The following ITPRID1 variants were observed in gnomAD, a reference collection of about 807,000 sequenced individuals.
ITPRID1 encodes the protein protein ITPRID1.
In ITPRID1, 96 loss-of-function variants were observed where a neutral mutation model predicts 95.4. That is an observed-to-expected ratio of 1.01 (90% CI 0.85 to 1.19). ITPRID1 has a LOEUF of 1.19. Ranked by LOEUF, ITPRID1 falls within the 50% of genes most tolerant of loss-of-function variation. The probability of loss-of-function intolerance (pLI) is 0.00; values close to 1 mark genes in which losing one functional copy is unlikely to be tolerated. For synonymous variants in ITPRID1, 510 were observed against 453.6 expected, an observed-to-expected ratio of 1.12 and a Z score of -1.58; for missense variants, 1,339 against 1,252.9, an observed-to-expected ratio of 1.07 and a Z score of -1.04.
intron 2 of ITPRID1, among the ~76,000 whole-genome samples, chr7:31,550,458 G>T (rs1215364249): frequency 6.6e-6 from 1 of 152,126 alleles, no homozygotes; most frequent in African/African-American, 2.4e-5. Context: ...GAAGTCTGCA[G>T]GCAGTCACAT....
intron 10 of ITPRID1, among the ~76,000 whole-genome samples, chr7:31,633,776 A>C (rs1442079942): frequency 6.6e-6 from 1 of 152,222 alleles, no homozygotes; most frequent in Non-Finnish European, 1.5e-5. Flanking sequence ...TGACCATAAA[A>C]TAGTTAAAGT....
At chr7:31,534,067 G>T (rs1161612827) in intron 1 of ITPRID1, among the ~76,000 whole-genome samples, 2 of 152,184 alleles carry the variant, frequency 1.3e-5, no homozygotes, top group Non-Finnish European at 1.5e-5. Flanking sequence ...ACATGCGAGG[G>T]ATCTAGGTTG....
At chr7:31,561,337 G>C (rs753339579) in intron 5 of ITPRID1, among the ~76,000 whole-genome samples, 14 of 152,196 alleles carry the variant, frequency 9.2e-5, no homozygotes, top group Non-Finnish European at 1.8e-4. Context: ...ATTGGTGGCT[G>C]AGATGTACTG....
chr7:31,650,854 C>T (rs1790881976), intron 12 of ITPRID1, among the ~76,000 whole-genome samples: 1 of 152,190 alleles, frequency 6.6e-6, no homozygotes, highest in Admixed American at 6.5e-5. Flanking sequence ...TACATCCTTG[C>T]ATCCCTATGT....
intron 10 of ITPRID1, among the ~76,000 whole-genome samples, chr7:31,604,483 T>G (rs1786531140): frequency 6.6e-6 from 1 of 152,224 alleles, no homozygotes; most frequent in African/African-American, 2.4e-5. Flanking sequence ...TTGGTAGAAC[T>G]AGATTTACAG....
intron 10 of ITPRID1, among the ~76,000 whole-genome samples, chr7:31,613,781 T>G (rs1258480953): frequency 6.6e-6 from 1 of 152,210 alleles, no homozygotes; most frequent in Admixed American, 6.5e-5. Context: ...CAAGGTGGCT[T>G]CTCAGCAATG....
At chr7:31,628,993 A>C (rs1042851695) in intron 10 of ITPRID1, among the ~76,000 whole-genome samples, 3 of 152,214 alleles carry the variant, frequency 2.0e-5, no homozygotes, top group Non-Finnish European at 4.4e-5. Context: ...GTGGTACTTG[A>C]ATCAGTAGAA....
In ITPRID1 at chr7:31,555,350, A is replaced by C. The variant is rs190153496; in HGVS notation, c.256+449A>C. The stretch of plus-strand genomic sequence containing the variant: ...AGAATAAATGTCTGAATTCTAAAGC[A>C]AACAGTACAAGTATTTCTGAAGGAG... On this transcript the variant is annotated intron_variant, in intron 5 of 14. Coordinates refer to ENST00000615280, the MANE Select transcript of ITPRID1 (RefSeq NM_001257967.3). 1.6e-3 allele frequency: 243 copies of C among 153,722 alleles called. 2 individuals are homozygous for C. Among genetic ancestry groups the C allele is most frequent in the South Asian group, 7.7e-3 (38 of 4,918 alleles). The allele number at this position is 153,722 out of a possible 1,614,324, so 9.5% of individuals were successfully genotyped here.
intron 5 of ITPRID1, among the ~76,000 whole-genome samples, chr7:31,556,599 A>C (rs1784454803): frequency 6.6e-6 from 1 of 152,042 alleles, no homozygotes; most frequent in Non-Finnish European, 1.5e-5. Flanking sequence ...ACACATTGAG[A>C]ATGGTGGATG....
At position 31,522,075 on chromosome 7, in the gene ITPRID1, C is replaced by A. The variant is rs192657810; in HGVS notation, c.-98+7955C>A. On this transcript the variant is annotated intron_variant, in intron 1 of 14. Coordinates refer to ENST00000615280, the MANE Select transcript of ITPRID1 (RefSeq NM_001257967.3). ...ATTTTCTTACCCCAAAATTAGTGAG[C>A]AAGTCTTTTTCTAACTAAGCACCTC... Among the ~76,000 whole-genome samples, 397 of 152,080 alleles carry A rather than the reference C, an allele frequency of 2.6e-3. 1 individual carries two copies. The highest frequency in any genetic ancestry group is 8.9e-3 in the African/African-American group (369 of 41,486).
In ITPRID1 at chr7:31,604,854, A is replaced by G. The variant is rs1169293885; in HGVS notation, c.1228+21663A>G. ...AAGGAGGTTAGAAAATAAATCTCTC[A>G]GCCAGGCAGGGTGCCTCATGCCAGT... On this transcript the variant is annotated intron_variant, in intron 10 of 14. Transcript: ENST00000615280. 3.9e-5 allele frequency among the ~76,000 whole-genome samples: 6 copies of G among 152,164 alleles called. No homozygotes were observed. In the East Asian group the frequency reaches 1.2e-3, roughly 29 times the overall value.
chr7:31,631,109 G>A (rs1428743960), intron 10 of ITPRID1, among the ~76,000 whole-genome samples: 3 of 152,244 alleles, frequency 2.0e-5, no homozygotes, highest in African/African-American at 4.8e-5. Context: ...ACCATTGTCA[G>A]CAGTTTTATG....
chr7:31,587,959 C>T (rs937368245), intron 10 of ITPRID1, among the ~76,000 whole-genome samples: 1 of 152,130 alleles, frequency 6.6e-6, no homozygotes, highest in African/African-American at 2.4e-5. Context: ...GAAACTGGAT[C>T]CCTTCCTTAC....
rs1252179074 is a variant in ITPRID1, at chr7:31,626,422, A to G, written c.1229-15754A>G. Among the ~76,000 whole-genome samples, 7 of 152,338 alleles carry G rather than the reference A, an allele frequency of 4.6e-5. No homozygotes were observed. In the East Asian group the frequency reaches 1.3e-3, roughly 29 times the overall value. ...ACTGATAACTTTTAAAATTATCATA[A>G]TTAATCTGGTACTATTTAGATAGAA... On this transcript the variant is annotated intron_variant, in intron 10 of 14. Coordinates refer to ENST00000615280, the MANE Select transcript of ITPRID1 (RefSeq NM_001257967.3).
chr7:31,544,564 C>T (rs927444063), intron 1 of ITPRID1, among the ~76,000 whole-genome samples: 3 of 152,026 alleles, frequency 2.0e-5, no homozygotes, highest in African/African-American at 7.2e-5. Flanking sequence ...TTTATACCCC[C>T]CTCAAATAAA....
intron 12 of ITPRID1, among the ~76,000 whole-genome samples, chr7:31,644,868 A>T (rs1391199772): frequency 2.0e-5 from 3 of 152,220 alleles, no homozygotes; most frequent in Admixed American, 6.5e-5. Flanking sequence ...GGTGAAGTGG[A>T]ACCACGATTT....
rs113407332 is a variant in ITPRID1 at position 31,628,448 on chromosome 7, C to CTTT, written c.1229-13718_1229-13716dup. On this transcript the variant is annotated intron_variant, in intron 10 of 14. Transcript: ENST00000615280. ...AGGAAGAGAAACACAAGCGTGATTC[C>CTTT]TTTTTTTTTTTTCTTTTTTTTTCTT... Among the ~76,000 whole-genome samples, 111 of 143,540 alleles carry CTTT rather than the reference C, an allele frequency of 7.7e-4. 1 individual carries two copies. The highest frequency in any genetic ancestry group is 2.7e-3 in the African/African-American group (105 of 38,386). The allele number at this position is 143,540 out of a possible 152,430, so 94.2% of individuals were successfully genotyped here.
At chr7:31,526,336 A>G (rs1250298162) in intron 1 of ITPRID1, among the ~76,000 whole-genome samples, 1 of 152,230 alleles carries the variant, frequency 6.6e-6, no homozygotes, top group Non-Finnish European at 1.5e-5. Flanking sequence ...TTATAAATCA[A>G]GAAGCATTTG....
At chr7:31,641,141 GT>G (rs2128208064) in intron 10 of ITPRID1, among the ~76,000 whole-genome samples, 1 of 152,272 alleles carries the variant, frequency 6.6e-6, no homozygotes, top group African/African-American at 2.4e-5. Flanking sequence ...GCTCTTGTGA[GT>G]GGAACTGTCC....
Sources: allele counts gnomAD v4.1 joint callset (sites outside exome capture counted in the v4.1 genomes callset), GRCh38; gene constraint gnomAD v4.1.1; transcripts MANE v1.5; gene names NCBI Gene and HGNC (gene_info 2026-07-23, HGNC 2026-07-21).